The following ABCC1 variants were observed in gnomAD, a reference collection of about 807,000 sequenced individuals.
ABCC1 encodes the protein multidrug resistance-associated protein 1.
In ABCC1, 83 loss-of-function variants were observed where a neutral mutation model predicts 172.9. That is an observed-to-expected ratio of 0.48 (90% CI 0.40 to 0.58). The LOEUF (loss-of-function observed/expected upper bound fraction) is 0.58. Ranked by LOEUF, ABCC1 falls within the 20% of genes least tolerant of loss-of-function variation. The pLI is 0.00. For synonymous variants in ABCC1, 937 were observed against 825.2 expected, an observed-to-expected ratio of 1.14 and a Z score of -2.32; for missense variants, 1,817 against 2,002.7, an observed-to-expected ratio of 0.91 and a Z score of 1.77.
intron 15 of ABCC1, 86 bp downstream of exon 15, chr16:16,076,487 C>T (rs2050578349): frequency 1.5e-6 from 2 of 1,313,994 alleles, no homozygotes; most frequent in East Asian, 2.6e-5. Context: ...CACCGTGCTC[C>T]CTCTCTGTGA....
chr16:16,101,027 T>G (rs2051719523), intron 19 of ABCC1, among the ~76,000 whole-genome samples: 2 of 151,504 alleles, frequency 1.3e-5, no homozygotes, highest in Admixed American at 1.3e-4. Flanking sequence ...TTTTTTTTTA[T>G]TTTTATTTTT....
chr16:16,115,095 G>A lies in ABCC1; in HGVS notation c.3390+19G>A. ...CGTCCAGGTAAGGGGTGAGGTCTTAGTGTTCGGGACAAGCCCTACTGTGCA... is the reference window on the plus strand; with the variant it reads ...CGTCCAGGTAAGGGGTGAGGTCTTAATGTTCGGGACAAGCCCTACTGTGCA... On this transcript the variant is annotated intron_variant, in intron 23 of 30. Transcript: ENST00000399410. 1 of 1,610,366 alleles carries A rather than the reference G, an allele frequency of 6.2e-7. No individual in the cohort carries two copies. Among genetic ancestry groups the A allele is most frequent in the East Asian group, 2.2e-5 (1 of 44,810 alleles).
chr16:16,017,275 G>C (rs2048034575), intron 5 of ABCC1, among the ~76,000 whole-genome samples: 1 of 152,054 alleles, frequency 6.6e-6, no homozygotes, highest in South Asian at 2.1e-4. Flanking sequence ...CTGTTGCCTA[G>C]GCTGGAGTGC....
chr16:16,086,867 C>T lies in ABCC1; in HGVS notation c.2336C>T (p.Ala779Val). 1 of 1,614,192 alleles carries T rather than the reference C, an allele frequency of 6.2e-7. No homozygotes were observed. Among genetic ancestry groups the T allele is most frequent in the Non-Finnish European group, 8.5e-7 (1 of 1,180,046 alleles). ...GGCCAGAAGCAGCGCGTGAGCCTGGCCCGGGCCGTGTACTCCAACGCTGAC... is the reference window on the plus strand; with the variant it reads ...GGCCAGAAGCAGCGCGTGAGCCTGGTCCGGGCCGTGTACTCCAACGCTGAC... ...SGGQKQRVSL[A>V]RAVYSNADIY... Residue 779 changes from alanine to valine, a missense_variant, in exon 18 of 31, where the codon GCC becomes GTC. Physicochemically the swap from Ala to Val is moderately conservative, Grantham distance 64. This residue lies in a region of ABCC1 where 1,412 missense variants were observed against 1,600.3 expected (regional missense o/e 0.88). Coordinates refer to ENST00000399410, the MANE Select transcript of ABCC1 (RefSeq NM_004996.4).
At chr16:16,130,499 T>C (rs143489422) in intron 26 of ABCC1, among the ~76,000 whole-genome samples, 18 of 152,314 alleles carry the variant, frequency 1.2e-4, no homozygotes, top group African/African-American at 4.1e-4. Context: ...GAGACCATAG[T>C]GTAGATTTTA....
chr16:15,971,938 C>CAG (rs2046379706), intron 1 of ABCC1, among the ~76,000 whole-genome samples: 3 of 152,014 alleles, frequency 2.0e-5, no homozygotes, highest in Admixed American at 6.6e-5. Flanking sequence ...GTCCCCTGTA[C>CAG]AGAGACAGAG....
At chr16:16,023,030 GC>G (rs2048246859) in intron 5 of ABCC1, among the ~76,000 whole-genome samples, 1 of 152,130 alleles carries the variant, frequency 6.6e-6, no homozygotes. Context: ...TCCCGCTTCT[GC>G]CTCCCAGGTA....
chr16:16,069,967 A>G (rs1411121545), intron 13 of ABCC1, among the ~76,000 whole-genome samples: 1 of 152,080 alleles, frequency 6.6e-6, no homozygotes, highest in East Asian at 1.9e-4. Flanking sequence ...GAGGTTGCCG[A>G]GGTTGCAGTG....
chr16:16,020,851 C>T (rs2048170014), intron 5 of ABCC1, among the ~76,000 whole-genome samples: 1 of 152,168 alleles, frequency 6.6e-6, no homozygotes, highest in Non-Finnish European at 1.5e-5. Flanking sequence ...GAACTTGGTA[C>T]TATTTTTCTC....
At chr16:16,033,517 C>T (rs968379642) in intron 6 of ABCC1, among the ~76,000 whole-genome samples, 5 of 152,154 alleles carry the variant, frequency 3.3e-5, no homozygotes, top group African/African-American at 4.8e-5. Context: ...CCTCCTGTCC[C>T]CCACGCCTTA....
rs1172911917 is a variant in ABCC1, at chr16:15,952,203, C to T, written c.48+2404C>T. Among the ~76,000 whole-genome samples, 2 of 152,222 alleles carry T rather than the reference C, an allele frequency of 1.3e-5. 1 individual carries two copies. The highest frequency in any genetic ancestry group is 6.3e-3 in the Middle Eastern group (2 of 316). On this transcript the variant is annotated intron_variant, in intron 1 of 30. Transcript: ENST00000399410. ...TCTTGTAAGTGGCTCAGCTTGTGCC[C>T]TGCACGGAGATAAACAATGGTTAGT... is the stretch of plus-strand genomic sequence containing the variant.
chr16:16,091,187 G>A (rs2051240960), intron 19 of ABCC1, among the ~76,000 whole-genome samples: 1 of 152,056 alleles, frequency 6.6e-6, no homozygotes, highest in African/African-American at 2.4e-5. Flanking sequence ...CCAACACATA[G>A]AGAGGCTGAG....
At chr16:16,000,600 T>C (rs866730157) in intron 1 of ABCC1, among the ~76,000 whole-genome samples, 8 of 152,134 alleles carry the variant, frequency 5.3e-5, no homozygotes, top group Non-Finnish European at 1.0e-4. Context: ...GATTGTTGTT[T>C]AATTGTTAAA....
chr16:16,045,387 CTT>C (rs1275034808), intron 8 of ABCC1, among the ~76,000 whole-genome samples: 1 of 98,286 alleles, frequency 1.0e-5, no homozygotes, highest in East Asian at 3.3e-4. Context: ...CAGAGCAAGA[CTT>C]TGTCTCAAAA....
In ABCC1 at chr16:16,036,566, G is replaced by T; in HGVS notation, c.772G>T (p.Val258Leu). 1 of 1,614,118 alleles carries T rather than the reference G, an allele frequency of 6.2e-7. No individual in the cohort carries two copies. The highest frequency in any genetic ancestry group is 8.5e-7 in the Non-Finnish European group (1 of 1,179,982). Residue 258 changes from valine (V) to leucine (L), a missense_variant, in exon 7 of 31, where the codon GTA (valine) becomes TTA (leucine). Transcript: ENST00000399410. ...GTCGGAACAAGTCGTGCCTGTTTTG[G>T]TAAAGAACTGGAAGAAGGAATGCGC... The part of the protein sequence containing the change: ...DTSEQVVPVL[V>L]KNWKKECAKT...
At chr16:16,070,575 G>T (rs2050305621) in intron 13 of ABCC1, among the ~76,000 whole-genome samples, 1 of 151,934 alleles carries the variant, frequency 6.6e-6, no homozygotes, top group African/African-American at 2.4e-5. Flanking sequence ...TGAGGCAGGA[G>T]AATGTTGTGA....
intron 5 of ABCC1, among the ~76,000 whole-genome samples, chr16:16,019,046 T>A (rs963653277): frequency 1.3e-5 from 2 of 152,134 alleles, no homozygotes; most frequent in Admixed American, 6.6e-5. Context: ...CAGCCGAGTG[T>A]CCCTGTTTGT....
intron 11 of ABCC1, among the ~76,000 whole-genome samples, chr16:16,053,772 CTCAAAAAAAAAAAAAAAAAAAA>C (rs1330189516): frequency 3.3e-5 from 1 of 30,446 alleles, no homozygotes; most frequent in African/African-American, 1.0e-4. Flanking sequence ...GAGACCCTGT[CTCAAAAAAAAAAAAAAAAAAAA>C]AAAAAAAAAA....
chr16:16,080,319 A>T lies in ABCC1; in HGVS notation c.2115+841A>T, dbSNP rs1052989107. Among the ~76,000 whole-genome samples the T allele has an allele frequency of 3.3e-5, 5 of 152,188 alleles. 1 individual carries two copies. The highest frequency in any genetic ancestry group is 1.2e-4 in the African/African-American group (5 of 41,454). On this transcript the variant is annotated intron_variant, in intron 16 of 30. Transcript: ENST00000399410. The stretch of plus-strand genomic sequence containing the variant: ...TGTGGTTGGAATATTTTCTTAGAAC[A>T]TTTTTTAAAGGGAACAGTTTAAATT...
Sources: gnomAD v4.1 joint callset for allele counts (sites outside exome capture counted in the v4.1 genomes callset) on GRCh38, gnomAD v4.1.1 for gene constraint, gnomAD v4.1.1 regional missense constraint, MANE v1.5 for transcripts, NCBI Gene and HGNC (gene_info 2026-07-23, HGNC 2026-07-21) for gene names.